The following PHTF1 variants were observed in gnomAD, a reference collection of about 807,000 sequenced individuals.
PHTF1 encodes putative homeodomain transcription factor 1.
PHTF1 carries 88 observed loss-of-function variants against 102.4 expected under a neutral mutation model. The ratio of observed to expected loss-of-function variants is 0.86; its 90% CI spans 0.72 to 1.03. The LOEUF (loss-of-function observed/expected upper bound fraction) is 1.03. Ranked by LOEUF, PHTF1 falls within the 50% of genes least tolerant of loss-of-function variation. The pLI is 0.00. For missense variants in PHTF1, 814 were observed against 909.5 expected (o/e 0.89, Z 1.35); for synonymous variants, 289 against 305.2 (o/e 0.95, Z 0.55).
rs546847878 is a variant in PHTF1 at position 113,697,436 on chromosome 1, T to C, written c.*269A>G. 1 of 356,834 alleles carries C rather than the reference T, an allele frequency of 2.8e-6. No homozygotes were observed. The highest frequency in any genetic ancestry group is 5.0e-5 in the East Asian group (1 of 20,078). The allele number at this position is 356,834 out of a possible 1,614,324, so 22.1% of individuals were successfully genotyped here. On this transcript the variant is annotated 3_prime_UTR_variant, in exon 19 of 19. Coordinates refer to ENST00000369604, the MANE Select transcript of PHTF1 (RefSeq NM_001323043.2). ...GTACTGAAGCGCAAACTTACAAAATTGTCTTTGTGTTACCACAACACACAC... is the reference window on the plus strand; with the variant it reads ...GTACTGAAGCGCAAACTTACAAAATCGTCTTTGTGTTACCACAACACACAC...
chr1:113,705,940 T>A lies in PHTF1; in HGVS notation c.1621A>T (p.Thr541Ser), dbSNP rs1571090830. Residue 541 changes from threonine to serine, a missense_variant, in exon 13 of 19, where the codon ACT becomes TCT. By Grantham distance (58) the Thr-to-Ser change is moderately conservative. Coordinates refer to ENST00000369604, the MANE Select transcript of PHTF1 (RefSeq NM_001323043.2). ...IINFFERLCL[T>S]WMFFFMMCVA... ...CACATCATGAAAAAAAACATCCAAGTAAGACACAATCTTTCAAAAAAATTA... is the reference window on the plus strand; with the variant it reads ...CACATCATGAAAAAAAACATCCAAGAAAGACACAATCTTTCAAAAAAATTA... 8 of 1,613,968 alleles carry A rather than the reference T, an allele frequency of 5.0e-6. No individual in the cohort carries two copies. Among genetic ancestry groups the A allele is most frequent in the Non-Finnish European group, 6.8e-6 (8 of 1,179,876 alleles).
intron 16 of PHTF1, 127 bp downstream of exon 16, chr1:113,700,667 C>G: frequency 1.3e-6 from 1 of 760,224 alleles, no homozygotes; most frequent in South Asian, 1.9e-5. Context: ...AGCAAACTGA[C>G]TTGTGAGGTC....
chr1:113,747,763 A>G (rs1657455357), intron 3 of PHTF1, among the ~76,000 whole-genome samples: 1 of 152,184 alleles, frequency 6.6e-6, no homozygotes, highest in Non-Finnish European at 1.5e-5. Flanking sequence ...CTCATGTGCC[A>G]TTGTCCCTCA....
chr1:113,758,767 G>C, intron 1 of PHTF1, 34 bp from the exon 2 acceptor site: 4 of 1,582,562 alleles, frequency 2.5e-6, no homozygotes, highest in Non-Finnish European at 3.4e-6. Context: ...GGTGAGTCCA[G>C]CTGCTGAAGG....
At chr1:113,703,592 C>T (rs887233413) in intron 15 of PHTF1, among the ~76,000 whole-genome samples, 32 of 151,990 alleles carry the variant, frequency 2.1e-4, no homozygotes, top group Admixed American at 2.1e-3. Context: ...AACTCCTGGC[C>T]TCACACAATC....
chr1:113,755,045 CAAGTT>C (rs1009337159), intron 3 of PHTF1, among the ~76,000 whole-genome samples: 5 of 151,904 alleles, frequency 3.3e-5, no homozygotes, highest in Non-Finnish European at 5.9e-5. Flanking sequence ...TTTCATGACC[CAAGTT>C]AAGATTTTTA....
rs111591424 is a variant in PHTF1 at position 113,704,183 on chromosome 1, CAT to C, written c.1804-18_1804-17del. The C allele has an allele frequency of 2.2e-4, 348 of 1,578,438 alleles. No homozygotes were observed. The African/African-American group carries it at 2.9e-3, about 13-fold the overall frequency. On this transcript the variant is annotated splice_polypyrimidine_tract_variant and intron_variant, in intron 14 of 18. Transcript: ENST00000369604. ...GCCCCCGTCTCTGTGGAGTGAGACA[CAT>C]GTGTTAATGTTTTAGTTACTGGCAG...
In PHTF1 at chr1:113,758,641, A is replaced by T. The variant is rs113778197; in HGVS notation, c.45+18T>A. On this transcript the variant is annotated intron_variant, in intron 2 of 18. Transcript: ENST00000369604. ...GGAAGAATGCTTTACAAATAAAAAA[A>T]ATATATATATGTATTACCTTCTTTT... The T allele has an allele frequency of 0.024, 34,463 of 1,429,986 alleles. 511 individuals are homozygous for T. Among genetic ancestry groups the T allele is most frequent in the Middle Eastern group, 0.058 (293 of 5,028 alleles). The allele number at this position is 1,429,986 out of a possible 1,614,324, so 88.6% of individuals were successfully genotyped here. A position where few individuals can be genotyped will look rare whatever the true frequency, so the allele number is the denominator to read the frequency against.
intron 2 of PHTF1, 132 bp from the exon 3 acceptor site, chr1:113,757,887 G>A: frequency 4.7e-6 from 3 of 632,948 alleles, no homozygotes; most frequent in East Asian, 2.8e-5. Flanking sequence ...TCAAAAGTTA[G>A]AATAAATCAA....
chr1:113,709,932 G>A (rs1650797090), intron 11 of PHTF1, among the ~76,000 whole-genome samples: 1 of 152,104 alleles, frequency 6.6e-6, no homozygotes, highest in Non-Finnish European at 1.5e-5. Flanking sequence ...TGATGTTCAT[G>A]AAAATATAAG....
chr1:113,731,724 G>A (rs182620756), intron 5 of PHTF1, among the ~76,000 whole-genome samples: 2 of 151,150 alleles, frequency 1.3e-5, no homozygotes, highest in East Asian at 3.9e-4. Flanking sequence ...CAAAACCCCC[G>A]TCTCTACTAA....
At chr1:113,735,037 A>ACGTAAATTACAGTACTCTT (rs1219849560) in intron 5 of PHTF1, among the ~76,000 whole-genome samples, 43 of 152,176 alleles carry the variant, frequency 2.8e-4, no homozygotes, top group African/African-American at 9.9e-4. Flanking sequence ...CAGAAAGGTT[A>ACGTAAATTACAGTACTCTT]CGTAAATTAC....
chr1:113,701,069 G>C, intron 15 of PHTF1, 120 bp from the exon 16 acceptor site: 1 of 733,400 alleles, frequency 1.4e-6, no homozygotes, highest in Non-Finnish European at 2.3e-6. Context: ...ACTGAAAGCA[G>C]AAGAGCTTTA....
Position 113,706,624 on chromosome 1 carries a change from C to G in PHTF1, c.1368G>C (p.Val456=). ...GNECKKMDMS[V]LEISGIIMSR... is the part of the protein sequence containing the mutation. ...TCATGATGATGCCACTTATTTCCAA[C>G]ACAGACATATCCATCTTTTTGCACT... Residue 456 remains valine (V), a synonymous_variant, in exon 12 of 19, where the codon GTG becomes GTC. Transcript: ENST00000369604. 6.2e-7 allele frequency: 1 copy of G among 1,611,522 alleles called. No homozygotes were observed. Among genetic ancestry groups the G allele is most frequent in the Non-Finnish European group, 8.5e-7 (1 of 1,179,180 alleles).
rs757102100 is a variant in PHTF1, at chr1:113,747,212, G to A, written c.103-8413C>T. 2.6e-5 allele frequency among the ~76,000 whole-genome samples: 4 copies of A among 152,128 alleles called. No individual in the cohort carries two copies. In the East Asian group the frequency reaches 5.8e-4, roughly 22 times the overall value. ...TTTTTGTTACATCAATGTTTAGAGG[G>A]TTATAATTACATAAATATTGTTCAC... On this transcript the variant is annotated intron_variant, in intron 3 of 18. Transcript: ENST00000369604.
At chr1:113,728,333 C>T (rs1654151708) in intron 5 of PHTF1, among the ~76,000 whole-genome samples, 1 of 152,004 alleles carries the variant, frequency 6.6e-6, no homozygotes, top group Non-Finnish European at 1.5e-5. Context: ...ATACAAATGG[C>T]AAACAGGCAT....
In PHTF1 at chr1:113,713,349, C is replaced by T; in HGVS notation, c.713G>A (p.Cys238Tyr). 1.9e-6 allele frequency: 3 copies of T among 1,612,490 alleles called. No individual in the cohort carries two copies. Among genetic ancestry groups the T allele is most frequent in the Non-Finnish European group, 2.5e-6 (3 of 1,178,514 alleles). Residue 238 changes from cysteine to tyrosine, a missense_variant, in exon 8 of 19, where the codon TGT becomes TAT. By Grantham distance (194) the Cys-to-Tyr change is radical. Transcript: ENST00000369604. ...CVHPIIKRRQ[C>Y]RPEIRMWQTR... Reference sequence around the variant, plus strand: ...TTGCCACATTCTAATCTCTGGTCGACATTGTCTCCTCTTAATGATAGGATG... The same window carrying T: ...TTGCCACATTCTAATCTCTGGTCGATATTGTCTCCTCTTAATGATAGGATG...
intron 2 of PHTF1, among the ~76,000 whole-genome samples, chr1:113,758,231 CAAAAA>C (rs1162537319): frequency 1.2e-4 from 7 of 58,218 alleles, no homozygotes; most frequent in African/African-American, 2.0e-4. Flanking sequence ...AACTCCGTCT[CAAAAA>C]AAAAAAAAAA....
chr1:113,743,704 T>C (rs1259801698), intron 3 of PHTF1, among the ~76,000 whole-genome samples: 2 of 152,182 alleles, frequency 1.3e-5, no homozygotes, highest in Admixed American at 1.3e-4. Context: ...ACAAAATCAC[T>C]AGGCAATAGG....
Sources: gnomAD v4.1 joint callset for allele counts (sites outside exome capture counted in the v4.1 genomes callset) on GRCh38, gnomAD v4.1.1 for gene constraint, MANE v1.5 for transcripts, NCBI Gene and HGNC (gene_info 2026-07-23, HGNC 2026-07-21) for gene names.